Variants in MEIS1 observed in about 807,000 individuals in gnomAD.
MEIS1 encodes the protein homeobox protein Meis1.
Under a neutral mutation model 50.8 loss-of-function variants are expected in MEIS1, and 5 were observed. That is an observed-to-expected ratio of 0.10 (90% confidence interval 0.05 to 0.21). The LOEUF (loss-of-function observed/expected upper bound fraction) is 0.21, where lower values mean the gene tolerates loss of function less well. Ranked by LOEUF, MEIS1 falls within the 10% of genes least tolerant of loss-of-function variation. The probability of loss-of-function intolerance (pLI) is 1.00; values close to 1 mark genes in which losing one functional copy is unlikely to be tolerated. For synonymous variants in MEIS1, 176 were observed against 179.3 expected, an observed-to-expected ratio of 0.98 and a Z score of 0.15; for missense variants, 318 against 517.3, an observed-to-expected ratio of 0.61 and a Z score of 3.74.
At chr2:66,477,651 A>G (rs34163741) in intron 7 of MEIS1, among the ~76,000 whole-genome samples, 98 of 152,130 alleles carry the variant, frequency 6.4e-4, no homozygotes, top group Non-Finnish European at 1.2e-3. Context: ...GAATTTGGTG[A>G]CTCATTTCAT....
intron 6 of MEIS1, among the ~76,000 whole-genome samples, chr2:66,449,659 T>C (rs1672234628): frequency 6.6e-6 from 1 of 152,160 alleles, no homozygotes; most frequent in South Asian, 2.1e-4. Context: ...AGTGAGAATA[T>C]ATTCACTAAA....
intron 10 of MEIS1, chr2:66,568,025 C>A (rs772075792): frequency 5.7e-4 from 104 of 182,336 alleles, no homozygotes; most frequent in Non-Finnish European, 8.7e-4. Context: ...AGTTAAAACA[C>A]GGGATTCAGG....
intron 8 of MEIS1, among the ~76,000 whole-genome samples, chr2:66,538,348 G>T (rs988212308): frequency 1.3e-5 from 2 of 152,118 alleles, no homozygotes; most frequent in Non-Finnish European, 2.9e-5. Context: ...TTGTTTTAAG[G>T]ATTAAATAAG....
At chr2:66,531,439 C>A (rs1406492844) in intron 8 of MEIS1, among the ~76,000 whole-genome samples, 3 of 152,016 alleles carry the variant, frequency 2.0e-5, no homozygotes, top group African/African-American at 7.2e-5. Flanking sequence ...AGCTAAGTAG[C>A]GAAATAAATA....
intron 7 of MEIS1, among the ~76,000 whole-genome samples, chr2:66,510,407 G>T (rs1673798289): frequency 6.6e-6 from 1 of 152,114 alleles, no homozygotes; most frequent in Non-Finnish European, 1.5e-5. Context: ...AGAGAACATA[G>T]CATTTTCTTC....
At chr2:66,466,519 CT>C (rs1422854482) in intron 7 of MEIS1, among the ~76,000 whole-genome samples, 1 of 152,226 alleles carries the variant, frequency 6.6e-6, no homozygotes, top group East Asian at 1.9e-4. Context: ...CCTTCTAAAC[CT>C]TTTTTTCATC....
At chr2:66,547,839 T>G (rs1674828295) in intron 8 of MEIS1, 104 bp from the exon 9 acceptor site, 1 of 1,055,298 alleles carries the variant, frequency 9.5e-7, no homozygotes, top group Non-Finnish European at 1.4e-6. Context: ...GTGACACACC[T>G]CAGCATTTTT....
At chr2:66,522,058 T>G (rs181008611) in intron 8 of MEIS1, among the ~76,000 whole-genome samples, 16 of 152,302 alleles carry the variant, frequency 1.1e-4, no homozygotes, top group Middle Eastern at 6.8e-3. Flanking sequence ...TGCAAGGCAT[T>G]AATAGTTTAA....
At chr2:66,530,436 C>T (rs894372115) in intron 8 of MEIS1, among the ~76,000 whole-genome samples, 10 of 150,680 alleles carry the variant, frequency 6.6e-5, no homozygotes, top group African/African-American at 2.2e-4. Context: ...ACCATGGGGC[C>T]GGGTACGGTG....
intron 8 of MEIS1, among the ~76,000 whole-genome samples, chr2:66,539,236 A>G (rs527713506): frequency 1.3e-5 from 2 of 152,288 alleles, no homozygotes; most frequent in East Asian, 1.9e-4. Flanking sequence ...AAGCAATGCT[A>G]CAAGCATTAA....
intron 9 of MEIS1, among the ~76,000 whole-genome samples, chr2:66,562,625 G>C (rs1675247069): frequency 6.6e-6 from 1 of 151,918 alleles, no homozygotes; most frequent in South Asian, 2.1e-4. Flanking sequence ...TAGGACTTGA[G>C]TCTTAAACAA....
intron 9 of MEIS1, among the ~76,000 whole-genome samples, chr2:66,554,591 C>T (rs867946827): frequency 6.6e-6 from 1 of 152,170 alleles, no homozygotes; most frequent in African/African-American, 2.4e-5. Context: ...TCCCTCATCC[C>T]TACTCCTTGG....
intron 8 of MEIS1, among the ~76,000 whole-genome samples, chr2:66,535,399 T>TAA (rs1674494424): frequency 1.3e-5 from 2 of 152,222 alleles, no homozygotes; most frequent in African/African-American, 4.8e-5. Context: ...CCCAAACTAT[T>TAA]CTTCAAGTTA....
At position 66,456,233 on chromosome 2, in the gene MEIS1, T is replaced by TACAC. The variant is rs200022620; in HGVS notation, c.631-7875_631-7874insCACA. ...CCCACAGTGACTATCATATGATTTT[T>TACAC]ATACACACACACACACACACACACA... On this transcript the variant is annotated intron_variant, in intron 6 of 12. Transcript: ENST00000272369. Among the ~76,000 whole-genome samples the TACAC allele has an allele frequency of 2.4e-3, 153 of 63,186 alleles. 1 individual carries two copies. The highest frequency in any genetic ancestry group is 3.6e-3 in the Non-Finnish European group (116 of 32,376). 41.5% of individuals were successfully genotyped at this position (63,186 alleles called of 152,430 possible). A position where few individuals can be genotyped will look rare whatever the true frequency, so the allele number is the denominator to read the frequency against.
At chr2:66,460,760 G>C (rs1407260462) in intron 6 of MEIS1, among the ~76,000 whole-genome samples, 3 of 151,886 alleles carry the variant, frequency 2.0e-5, no homozygotes, top group Non-Finnish European at 2.9e-5. Flanking sequence ...TGTTGTTGTT[G>C]TTGTTGTTCT....
rs1558551283 is a variant in MEIS1, at chr2:66,527,590, A to ATG, written c.888+15296_888+15297insTG. Among the ~76,000 whole-genome samples the ATG allele has an allele frequency of 7.4e-4, 72 of 97,822 alleles. 1 individual carries two copies. The highest frequency in any genetic ancestry group is 2.9e-3 in the African/African-American group (66 of 22,868). The allele number at this position is 97,822 out of a possible 152,430, so 64.2% of individuals were successfully genotyped here. A position where few individuals can be genotyped will look rare whatever the true frequency, so the allele number is the denominator to read the frequency against. Reference sequence around the variant, plus strand: ...CTGATACCTGTATTGCAGTAAAAGCAAGTGTGTGTGTGTGTGTGTGTGTGT... The same window carrying ATG: ...CTGATACCTGTATTGCAGTAAAAGCATGAGTGTGTGTGTGTGTGTGTGTGTGT... On this transcript the variant is annotated intron_variant, in intron 8 of 12. Coordinates refer to ENST00000272369, the MANE Select transcript of MEIS1 (RefSeq NM_002398.3).
intron 9 of MEIS1, among the ~76,000 whole-genome samples, chr2:66,549,594 C>G (rs1323057924): frequency 1.3e-5 from 2 of 152,018 alleles, no homozygotes; most frequent in Non-Finnish European, 2.9e-5. Context: ...CATCTAGATT[C>G]ATATATCTGT....
At chr2:66,515,038 C>T (rs929799233) in intron 8 of MEIS1, among the ~76,000 whole-genome samples, 3 of 152,102 alleles carry the variant, frequency 2.0e-5, no homozygotes, top group Non-Finnish European at 4.4e-5. Flanking sequence ...GGGAGGTCTT[C>T]AGGGATGCAC....
chr2:66,534,473 G>T (rs1674471148), intron 8 of MEIS1, among the ~76,000 whole-genome samples: 1 of 152,084 alleles, frequency 6.6e-6, no homozygotes, highest in African/African-American at 2.4e-5. Flanking sequence ...GGCAGAGGTT[G>T]CAGTGAGCCA....
Sources: allele counts gnomAD v4.1 joint callset (sites outside exome capture counted in the v4.1 genomes callset), GRCh38; gene constraint gnomAD v4.1.1; transcripts MANE v1.5; gene names NCBI Gene and HGNC (gene_info 2026-07-23, HGNC 2026-07-21).